GPBP1L1: variants seen among roughly 807,000 people sequenced by gnomAD.
GPBP1L1 encodes GC-rich promoter binding protein 1 like 1.
In GPBP1L1, 23 loss-of-function variants were observed where a neutral mutation model predicts 52.5. The ratio of observed to expected loss-of-function variants is 0.44; its 90% CI spans 0.32 to 0.62. The LOEUF (loss-of-function observed/expected upper bound fraction) is 0.62. Among genes scored for constraint, GPBP1L1 ranks in the 20% least tolerant of loss-of-function variants. GPBP1L1 has a pLI of 0.06. For synonymous variants in GPBP1L1, 243 were observed against 203.1 expected (o/e 1.20, Z -1.67); for missense variants, 596 against 579.3 (o/e 1.03, Z -0.30).
rs760466672 is a variant in GPBP1L1, at chr1:45,655,333, G to A, written c.61-14C>T. On this transcript the variant is annotated splice_polypyrimidine_tract_variant and intron_variant, in intron 4 of 12. Coordinates refer to ENST00000355105, the MANE Select transcript of GPBP1L1 (RefSeq NM_021639.5). Reference sequence around the variant, plus strand: ...GGCAGTAGGTGACTAAGATGATGAAGTATGGAGAGGCAAATGGATAAATAG... The same window carrying A: ...GGCAGTAGGTGACTAAGATGATGAAATATGGAGAGGCAAATGGATAAATAG... 1.2e-6 allele frequency: 2 copies of A among 1,613,440 alleles called. No homozygotes were observed. The highest frequency in any genetic ancestry group is 1.1e-5 in the South Asian group (1 of 91,076).
At chr1:45,649,017 T>C (rs1644788042) in intron 6 of GPBP1L1, among the ~76,000 whole-genome samples, 1 of 151,938 alleles carries the variant, frequency 6.6e-6, no homozygotes, top group Admixed American at 6.6e-5. Context: ...GACACAAGAG[T>C]GAATCTCTGT....
intron 10 of GPBP1L1, among the ~76,000 whole-genome samples, chr1:45,632,814 C>T (rs950561540): frequency 3.3e-5 from 5 of 152,118 alleles, no homozygotes; most frequent in Non-Finnish European, 7.4e-5. Flanking sequence ...CTAAGATATA[C>T]AAAGAACTCT....
intron 2 of GPBP1L1, among the ~76,000 whole-genome samples, chr1:45,679,470 G>A (rs1557724097): frequency 6.6e-6 from 1 of 152,086 alleles, no homozygotes; most frequent in African/African-American, 2.4e-5. Flanking sequence ...GCACAGTTTG[G>A]GTAACATGAC....
At chr1:45,653,197 C>G (rs1644839627) in intron 6 of GPBP1L1, among the ~76,000 whole-genome samples, 3 of 152,156 alleles carry the variant, frequency 2.0e-5, no homozygotes, top group Non-Finnish European at 4.4e-5. Flanking sequence ...ACTCTACTAA[C>G]TGATGAAATG....
intron 6 of GPBP1L1, 45 bp downstream of exon 6, chr1:45,654,498 A>G (rs976164404): frequency 3.2e-5 from 49 of 1,516,648 alleles, no homozygotes; most frequent in Non-Finnish European, 4.3e-5. Context: ...TATTTCAGAC[A>G]TTATTTGTTG....
At chr1:45,636,248 A>C (rs961389132) in intron 8 of GPBP1L1, among the ~76,000 whole-genome samples, 1 of 152,012 alleles carries the variant, frequency 6.6e-6, no homozygotes, top group South Asian at 2.1e-4. Context: ...TCACTCTCTC[A>C]GTTCTCTCTT....
chr1:45,631,134 A>G (rs1644525965), intron 10 of GPBP1L1, among the ~76,000 whole-genome samples: 1 of 152,256 alleles, frequency 6.6e-6, no homozygotes. Flanking sequence ...CAGCCGTCAC[A>G]AAAATAAAGT....
intron 2 of GPBP1L1, among the ~76,000 whole-genome samples, chr1:45,664,668 T>TG (rs1463753473): frequency 6.6e-6 from 1 of 151,514 alleles, no homozygotes; most frequent in African/African-American, 2.4e-5. Context: ...TCTCACAGTT[T>TG]TTTTGTTTTG....
chr1:45,642,583 T>C (rs1270659630), intron 6 of GPBP1L1, 84 bp from the exon 7 acceptor site: 2 of 912,570 alleles, frequency 2.2e-6, no homozygotes, highest in Non-Finnish European at 3.6e-6. Context: ...CCATGGAACC[T>C]ATCAAATAAT....
At position 45,630,497 on chromosome 1, in the gene GPBP1L1, A is replaced by T. The variant is rs1175231565; in HGVS notation, c.1154T>A (p.Leu385Gln). 6.2e-7 allele frequency: 1 copy of T among 1,613,736 alleles called. No homozygotes were observed. Among genetic ancestry groups the T allele is most frequent in the African/African-American group, 1.3e-5 (1 of 74,914 alleles). The change falls in exon 11 of 13, where the codon CTA becomes CAA. Residue 385 changes from leucine (L) to glutamine (Q), a missense_variant. Leu to Gln is a moderately radical substitution (Grantham distance 113). Coordinates refer to ENST00000355105, the MANE Select transcript of GPBP1L1 (RefSeq NM_021639.5). ...VEEGEVLSHS[L>Q]EAEHRLLKAM... ...CCTCACTTACCTGTGCTCTGCTTCTAGAGAGTGTGAGAGAACCTCCCCTTC... is the reference window on the plus strand; with the variant it reads ...CCTCACTTACCTGTGCTCTGCTTCTTGAGAGTGTGAGAGAACCTCCCCTTC...
At chr1:45,677,538 T>C (rs868140156) in intron 2 of GPBP1L1, among the ~76,000 whole-genome samples, 1 of 151,930 alleles carries the variant, frequency 6.6e-6, no homozygotes, top group African/African-American at 2.4e-5. Flanking sequence ...CCTAATACTA[T>C]GGTGATTAAC....
intron 2 of GPBP1L1, among the ~76,000 whole-genome samples, chr1:45,673,145 T>G (rs1645094526): frequency 1.3e-5 from 2 of 152,178 alleles, no homozygotes; most frequent in South Asian, 4.1e-4. Context: ...AGATGGGATG[T>G]ACCAGTGAAG....
chr1:45,673,833 C>T (rs1397852751), intron 2 of GPBP1L1, among the ~76,000 whole-genome samples: 1 of 152,090 alleles, frequency 6.6e-6, no homozygotes, highest in Non-Finnish European at 1.5e-5. Context: ...CACTCCAGGC[C>T]AGGCAACAGA....
intron 1 of GPBP1L1, among the ~76,000 whole-genome samples, chr1:45,685,948 CT>C (rs1296111088): frequency 2.0e-5 from 3 of 152,218 alleles, no homozygotes; most frequent in Admixed American, 1.3e-4. Context: ...GGGGTTAAAA[CT>C]TTTTTCCCCT....
At chr1:45,685,211 T>C (rs1480932438) in intron 2 of GPBP1L1, among the ~76,000 whole-genome samples, 4 of 152,178 alleles carry the variant, frequency 2.6e-5, no homozygotes, top group Non-Finnish European at 2.9e-5. Flanking sequence ...CCTAATTTCC[T>C]TTCAAATATT....
intron 8 of GPBP1L1, among the ~76,000 whole-genome samples, chr1:45,639,415 G>T (rs982134800): frequency 2.6e-5 from 4 of 152,070 alleles, no homozygotes; most frequent in African/African-American, 9.7e-5. Flanking sequence ...GAGTGATTAG[G>T]ATGTTGTTGC....
chr1:45,634,242 C>A lies in GPBP1L1; in HGVS notation c.745-6G>T. ...TTAGCTTTCCATGCATTAGGCTACA[C>A]AGGGTGAAAGAACAAATCAGTCAGA... On this transcript the variant is annotated splice_region_variant and splice_polypyrimidine_tract_variant and intron_variant, in intron 8 of 12. Coordinates refer to ENST00000355105, the MANE Select transcript of GPBP1L1 (RefSeq NM_021639.5). 6.2e-7 allele frequency: 1 copy of A among 1,605,670 alleles called. No homozygotes were observed. The highest frequency in any genetic ancestry group is 8.5e-7 in the Non-Finnish European group (1 of 1,175,270).
In GPBP1L1 at chr1:45,630,810, C is replaced by T. The variant is rs1644520874; in HGVS notation, c.1045-204G>A. The T allele has an allele frequency of 5.4e-6, 3 of 555,504 alleles. 1 individual carries two copies. The South Asian group carries it at 6.2e-5, about 11-fold the overall frequency. 34.4% of individuals were successfully genotyped at this position (555,504 alleles called of 1,614,324 possible). ...AGTTTTAATGAAAAGGCAAAAGATC[C>T]AGAACAGCCAACACAATACTGAAGA... On this transcript the variant is annotated intron_variant, in intron 10 of 12. Coordinates refer to ENST00000355105, the MANE Select transcript of GPBP1L1 (RefSeq NM_021639.5).
chr1:45,638,328 C>T (rs1435836106), intron 8 of GPBP1L1, among the ~76,000 whole-genome samples: 2 of 152,280 alleles, frequency 1.3e-5, no homozygotes, highest in East Asian at 3.9e-4. Flanking sequence ...GCCACTACCT[C>T]CACATATTTC....
Sources: allele counts gnomAD v4.1 joint callset (sites outside exome capture counted in the v4.1 genomes callset), GRCh38; gene constraint gnomAD v4.1.1; transcripts MANE v1.5; gene names NCBI Gene and HGNC (gene_info 2026-07-23, HGNC 2026-07-21).